The following RTN4 variants were observed in gnomAD, a reference collection of about 807,000 sequenced individuals.
The protein encoded by RTN4 is reticulon 4, also known as reticulon-4.
RTN4 carries 32 observed loss-of-function variants against 90.4 expected under a neutral mutation model. That is an observed-to-expected ratio of 0.35 (90% CI 0.27 to 0.48). The LOEUF (loss-of-function observed/expected upper bound fraction) is 0.48. Among genes scored for constraint, RTN4 ranks in the 20% least tolerant of loss-of-function variants. The pLI is 0.99. For missense variants in RTN4, 1,706 were observed against 1,430.2 expected, an observed-to-expected ratio of 1.19 and a Z score of -3.11; for synonymous variants, 629 against 552.5, an observed-to-expected ratio of 1.14 and a Z score of -1.94.
intron 2 of RTN4, among the ~76,000 whole-genome samples, chr2:55,061,343 C>A (rs749783162): frequency 1.3e-5 from 2 of 152,160 alleles, no homozygotes; most frequent in African/African-American, 4.8e-5. Context: ...GGATTACAGA[C>A]GTGAGCCACC....
Position 55,058,876 on chromosome 2 carries a change from T to TTA in RTN4, c.-63+21612_-63+21613insTA, listed in dbSNP as rs1553448844. On this transcript the variant is annotated intron_variant, in intron 2 of 3. Transcript: ENST00000427710. The stretch of plus-strand genomic sequence containing the variant: ...CTTTCTTTTTTGATAATTTTTTTTT[T>TTA]AAATTATAATAATAGAGAGGAGGGT... Among the ~76,000 whole-genome samples, 3 of 151,692 alleles carry TTA rather than the reference T, an allele frequency of 2.0e-5. No individual in the cohort carries two copies. The East Asian group carries it at 5.8e-4, about 29-fold the overall frequency.
At chr2:55,041,080 A>AT (rs554319306) in intron 1 of RTN4, among the ~76,000 whole-genome samples, 39,746 of 142,884 alleles carry the variant, frequency 0.28, 5,534 homozygotes, top group African/African-American at 0.31. Flanking sequence ...TCTCAACACA[A>AT]TTTTTTTTTT....
In RTN4 at chr2:55,025,592, C is replaced by T; in HGVS notation, c.2507G>A (p.Ser836Asn). Residue 836 changes from serine to asparagine, a missense_variant, in exon 3 of 9, where the codon AGT becomes AAT. By Grantham distance (46) the Ser-to-Asn change is conservative (BLOSUM62 1). Transcript: ENST00000337526. ...GTCATCATTTGAATAAACTGCAGTA[C>T]TGAGCTCCTCCATCTGCAAAGGAAT... ...EKIPLQMEELSTAVYSNDDLF... is the reference protein window; with the variant it reads ...EKIPLQMEELNTAVYSNDDLF... 4.3e-6 allele frequency: 7 copies of T among 1,613,610 alleles called. No individual in the cohort carries two copies. The highest frequency in any genetic ancestry group is 4.5e-5 in the East Asian group (2 of 44,866).
intron 2 of RTN4, among the ~76,000 whole-genome samples, chr2:55,066,181 GTGTGTGTGTGTT>G (rs973615054): frequency 5.1e-5 from 6 of 117,740 alleles, no homozygotes; most frequent in African/African-American, 1.3e-4. Context: ...GTGTGTGTGT[GTGTGTGTGTGTT>G]TGTGTGTGTG....
rs574328556 is a variant in RTN4, at chr2:54,978,994, T to C, written c.3360+3521A>G. The stretch of plus-strand genomic sequence containing the variant: ...AACTTTCCCTACCAGTTTTTGTGGC[T>C]AAAAGGCAAAAAGTAATACAGTCCA... On this transcript the variant is annotated intron_variant, in intron 5 of 8. Transcript: ENST00000337526. Among the ~76,000 whole-genome samples, 6 of 152,058 alleles carry C rather than the reference T, an allele frequency of 3.9e-5. No individual in the cohort carries two copies. In the East Asian group the frequency reaches 1.2e-3, roughly 29 times the overall value.
intron 3 of RTN4, chr2:55,010,518 G>GT (rs201183683): frequency 2.9e-3 from 657 of 226,318 alleles, no homozygotes; most frequent in Non-Finnish European, 4.1e-3. Flanking sequence ...GCCATATGCA[G>GT]TTTTTTTTTC....
chr2:55,136,346 A>G, the RTN4 span, among the ~76,000 whole-genome samples: 5 of 152,242 alleles, frequency 3.3e-5, no homozygotes, highest in African/African-American at 1.2e-4. Flanking sequence ...GCATACAGAC[A>G]GCCCACCCCA....
intron 1 of RTN4, among the ~76,000 whole-genome samples, chr2:55,033,004 G>C (rs1682431836): frequency 6.7e-6 from 1 of 149,278 alleles, no homozygotes; most frequent in Non-Finnish European, 1.5e-5. Context: ...CTCCACCCTG[G>C]ACAACACAGT....
At chr2:55,091,563 T>G (rs1668935513) in intron 1 of RTN4, among the ~76,000 whole-genome samples, 2 of 152,212 alleles carry the variant, frequency 1.3e-5, no homozygotes. Context: ...TGCAGTAGCT[T>G]GTACCTAGAA....
At chr2:54,993,004 G>A (rs1185743884) in intron 3 of RTN4, among the ~76,000 whole-genome samples, 2 of 150,792 alleles carry the variant, frequency 1.3e-5, no homozygotes, top group Non-Finnish European at 2.9e-5. Flanking sequence ...AACCCGAGAG[G>A]CGGAGGTTGC....
At chr2:55,116,112 T>TTGG (rs1668120496), upstream of RTN4, among the ~76,000 whole-genome samples, 1 of 144,772 alleles carries the variant, frequency 6.9e-6, no homozygotes. Flanking sequence ...TTTTTTTTTT[T>TTGG]GAGATTGGGT....
At chr2:55,111,182 C>T (rs1668032580) in intron 1 of RTN4, among the ~76,000 whole-genome samples, 1 of 151,986 alleles carries the variant, frequency 6.6e-6, no homozygotes, top group African/African-American at 2.4e-5. Flanking sequence ...TTGCTAGCTG[C>T]AAAGTTGCTT....
intron 1 of RTN4, among the ~76,000 whole-genome samples, chr2:55,081,174 A>G (rs1558871802): frequency 6.6e-6 from 1 of 152,122 alleles, no homozygotes; most frequent in South Asian, 2.1e-4. Context: ...TCCTGGGCCA[A>G]GTGATCCTCC....
rs1678686782 is a variant in RTN4, at chr2:54,987,794, A to C, written c.3014-96T>G. ...ACAAAAACGCTACTACATAAAGTAA[A>C]ATCAAACCTAAAAATTTAAAGAAAC... On this transcript the variant is annotated intron_variant, in intron 3 of 8. Coordinates refer to ENST00000337526, the MANE Select transcript of RTN4 (RefSeq NM_020532.5). 3.1e-6 allele frequency: 3 copies of C among 961,094 alleles called. No homozygotes were observed. The South Asian group carries it at 4.8e-5, about 15-fold the overall frequency. 59.5% of individuals were successfully genotyped at this position (961,094 alleles called of 1,614,324 possible).
chr2:55,105,765 G>C (rs1057074019), intron 1 of RTN4, among the ~76,000 whole-genome samples: 1 of 151,972 alleles, frequency 6.6e-6, no homozygotes, highest in Non-Finnish European at 1.5e-5. Flanking sequence ...TGTGACCAGG[G>C]ATACAAGACC....
Position 55,027,381 on chromosome 2 carries a change from G to A in RTN4, c.718C>T (p.Pro240Ser). Residue 240 changes from proline (P) to serine (S), a missense_variant, in exon 3 of 9, where the codon CCT (proline) becomes TCT (serine). Transcript: ENST00000337526. ...ETAASLPSLSPLSAASFKEHE... is the reference protein window; with the variant it reads ...ETAASLPSLSSLSAASFKEHE... Reference sequence around the variant, plus strand: ...TCTTTGAAAGAAGCGGCTGAGAGAGGAGACAGAGAAGGAAGAGAAGCAGCA... The same window carrying A: ...TCTTTGAAAGAAGCGGCTGAGAGAGAAGACAGAGAAGGAAGAGAAGCAGCA... 1 of 1,613,708 alleles carries A rather than the reference G, an allele frequency of 6.2e-7. No homozygotes were observed. Among genetic ancestry groups the A allele is most frequent in the Non-Finnish European group, 8.5e-7 (1 of 1,179,784 alleles).
chr2:55,064,494 G>A (rs1473724750), intron 2 of RTN4, among the ~76,000 whole-genome samples: 1 of 151,942 alleles, frequency 6.6e-6, no homozygotes, highest in African/African-American at 2.4e-5. Context: ...GGGATTACAG[G>A]TGCCTGCCAC....
At chr2:55,085,697 C>T (rs1188027697) in intron 1 of RTN4, among the ~76,000 whole-genome samples, 1 of 152,140 alleles carries the variant, frequency 6.6e-6, no homozygotes, top group Non-Finnish European at 1.5e-5. Flanking sequence ...ATAATCCTTC[C>T]CCAATCTACA....
chr2:54,992,298 T>C (rs1679073932), intron 3 of RTN4, among the ~76,000 whole-genome samples: 1 of 152,230 alleles, frequency 6.6e-6, no homozygotes, highest in African/African-American at 2.4e-5. Flanking sequence ...AAAACTCATA[T>C]TCTCCATTGT....
Sources: gnomAD v4.1 joint callset for allele counts (sites outside exome capture counted in the v4.1 genomes callset) on GRCh38, gnomAD v4.1.1 for gene constraint, MANE v1.5 for transcripts, NCBI Gene and HGNC (gene_info 2026-07-23, HGNC 2026-07-21) for gene names.